TBC1D32: variants seen among roughly 807,000 people sequenced by gnomAD.
TBC1D32 encodes TBC1 domain family member 32, also known as protein broad-minded.
Under a neutral mutation model 170.3 loss-of-function variants are expected in TBC1D32, and 151 were observed. The observed-to-expected ratio is 0.89, with a 90% confidence interval of 0.78 to 1.01. The LOEUF is 1.01. Ranked by LOEUF, TBC1D32 falls within the 50% of genes least tolerant of loss-of-function variation. TBC1D32 has a pLI of 0.00. For synonymous variants in TBC1D32, 498 were observed against 488.0 expected (o/e 1.02, Z -0.27); for missense variants, 1,464 against 1,457.1 (o/e 1.00, Z -0.08).
chr6:121,333,664 G>T (rs553974092), intron 1 of TBC1D32, among the ~76,000 whole-genome samples: 3 of 152,182 alleles, frequency 2.0e-5, no homozygotes, highest in Non-Finnish European at 4.4e-5. Context: ...TGAAATCGTG[G>T]AAGTATTCTT....
intron 30 of TBC1D32, among the ~76,000 whole-genome samples, chr6:121,098,438 C>A (rs73536471): frequency 9.2e-5 from 14 of 151,678 alleles, no homozygotes; most frequent in African/African-American, 2.9e-4. Context: ...CTTACACTAT[C>A]GGAATGACCT....
chr6:121,333,627 A>T (rs1331190796), intron 1 of TBC1D32, among the ~76,000 whole-genome samples: 1 of 152,198 alleles, frequency 6.6e-6, no homozygotes, highest in Non-Finnish European at 1.5e-5. Context: ...CATTGCTTTT[A>T]AGTACTGTAT....
In TBC1D32 at chr6:121,080,531, A is replaced by G. The variant is rs1207846426; in HGVS notation, c.*240T>C. 5 of 422,000 alleles carry G rather than the reference A, an allele frequency of 1.2e-5. No homozygotes were observed. The highest frequency in any genetic ancestry group is 2.0e-5 in the Non-Finnish European group (5 of 249,734). 26.1% of individuals were successfully genotyped at this position (422,000 alleles called of 1,614,324 possible). A position where few individuals can be genotyped will look rare whatever the true frequency, so the allele number is the denominator to read the frequency against. On this transcript the variant is annotated 3_prime_UTR_variant, in exon 32 of 32. Coordinates refer to ENST00000398212, the MANE Select transcript of TBC1D32 (RefSeq NM_152730.6). ...GCCTGGCCAGGACTAACTCTTAAAC[A>G]TGAATAAGAACTAAAAGTAAGCTAG...
At chr6:121,127,456 A>G (rs996405363) in intron 25 of TBC1D32, among the ~76,000 whole-genome samples, 1 of 152,184 alleles carries the variant, frequency 6.6e-6, no homozygotes, top group African/African-American at 2.4e-5. Context: ...TATTAAAAGT[A>G]TAAGAATCCA....
At chr6:121,168,339 T>G (rs1052895088) in intron 22 of TBC1D32, among the ~76,000 whole-genome samples, 2 of 140,240 alleles carry the variant, frequency 1.4e-5, no homozygotes, top group Non-Finnish European at 3.1e-5. Flanking sequence ...TAGACTGGAT[T>G]AAGAAAATGT....
intron 22 of TBC1D32, among the ~76,000 whole-genome samples, chr6:121,199,765 G>A (rs1172108868): frequency 1.3e-5 from 2 of 151,026 alleles, no homozygotes; most frequent in Non-Finnish European, 2.9e-5. Flanking sequence ...TTGTTACTAA[G>A]GTTAATCACA....
intron 30 of TBC1D32, among the ~76,000 whole-genome samples, chr6:121,103,596 A>C (rs1010934756): frequency 1.3e-5 from 1 of 77,378 alleles, no homozygotes; most frequent in Non-Finnish European, 2.4e-5. Context: ...GGGAGGGGGG[A>C]GGGGGGAGGG....
intron 22 of TBC1D32, among the ~76,000 whole-genome samples, chr6:121,189,496 G>A (rs963236714): frequency 6.7e-5 from 10 of 149,918 alleles, no homozygotes; most frequent in Non-Finnish European, 1.0e-4. Flanking sequence ...CCCTATAAAC[G>A]TTTATATGTT....
intron 22 of TBC1D32, among the ~76,000 whole-genome samples, chr6:121,184,829 C>T (rs1019890228): frequency 6.6e-6 from 1 of 151,906 alleles, no homozygotes; most frequent in Admixed American, 6.6e-5. Context: ...TGAGCTCCCA[C>T]CATCGTGGCC....
At chr6:121,204,406 T>C (rs1432514246) in intron 22 of TBC1D32, among the ~76,000 whole-genome samples, 1 of 151,224 alleles carries the variant, frequency 6.6e-6, no homozygotes, top group African/African-American at 2.5e-5. Flanking sequence ...TCTAAAAAAG[T>C]TACTTTGCTA....
chr6:121,317,754 T>G (rs540018184), intron 2 of TBC1D32, 82 bp from the exon 3 acceptor site: 1 of 1,079,954 alleles, frequency 9.3e-7, no homozygotes, highest in East Asian at 2.8e-5. Context: ...TAATTTTTTT[T>G]CTATAAAAAG....
intron 24 of TBC1D32, among the ~76,000 whole-genome samples, chr6:121,147,581 T>A (rs1783626734): frequency 6.6e-6 from 1 of 151,862 alleles, no homozygotes; most frequent in Non-Finnish European, 1.5e-5. Flanking sequence ...TGAGCATTTT[T>A]AATATTTTTT....
chr6:121,176,810 G>A (rs1787823913), intron 22 of TBC1D32, among the ~76,000 whole-genome samples: 1 of 152,086 alleles, frequency 6.6e-6, no homozygotes, highest in African/African-American at 2.4e-5. Context: ...TGTTGGCCAG[G>A]CTGATCTCAA....
At chr6:121,108,670 C>T (rs765501358) in intron 29 of TBC1D32, among the ~76,000 whole-genome samples, 5 of 151,356 alleles carry the variant, frequency 3.3e-5, no homozygotes, top group African/African-American at 1.2e-4. Context: ...TAAAAAAAAA[C>T]ATAACAGTCT....
At chr6:121,247,073 A>G (rs1478242315) in intron 17 of TBC1D32, among the ~76,000 whole-genome samples, 1 of 152,118 alleles carries the variant, frequency 6.6e-6, no homozygotes. Context: ...CTCTGAGAAA[A>G]AAGCATCAGG....
At chr6:121,184,592 A>G (rs1474906575) in intron 22 of TBC1D32, among the ~76,000 whole-genome samples, 3 of 151,932 alleles carry the variant, frequency 2.0e-5, no homozygotes. Context: ...CAAATAAAAA[A>G]CAAAACTCAT....
At chr6:121,313,219 C>T (rs1189912620) in intron 3 of TBC1D32, among the ~76,000 whole-genome samples, 1 of 148,414 alleles carries the variant, frequency 6.7e-6, no homozygotes, top group Non-Finnish European at 1.5e-5. Context: ...AATCCTCCTG[C>T]CTTGCTCTCC....
intron 24 of TBC1D32, among the ~76,000 whole-genome samples, chr6:121,140,625 T>C (rs1267367500): frequency 6.6e-6 from 1 of 152,076 alleles, no homozygotes; most frequent in East Asian, 1.9e-4. Flanking sequence ...TCAAGTAAGA[T>C]ACTGAAGCTA....
chr6:121,174,653 T>C (rs1462210304), intron 22 of TBC1D32, among the ~76,000 whole-genome samples: 1 of 152,022 alleles, frequency 6.6e-6, no homozygotes. Context: ...TATTACAAAC[T>C]GTAAGAATTT....
Sources: allele counts gnomAD v4.1 joint callset (sites outside exome capture counted in the v4.1 genomes callset), GRCh38; gene constraint gnomAD v4.1.1; transcripts MANE v1.5; gene names NCBI Gene and HGNC (gene_info 2026-07-23, HGNC 2026-07-21).